The following ROBO2 variants were observed in gnomAD, a reference collection of about 807,000 sequenced individuals.
The protein encoded by ROBO2 is roundabout homolog 2.
ROBO2 carries 53 observed loss-of-function variants against 160.8 expected under a neutral mutation model. The observed-to-expected ratio is 0.33, with a 90% confidence interval of 0.26 to 0.41. The LOEUF is 0.41. ROBO2 is among the 10% of genes least tolerant of loss of function. ROBO2 has a pLI of 1.00. For synonymous variants in ROBO2, 664 were observed against 611.7 expected, an observed-to-expected ratio of 1.09 and a Z score of -1.26; for missense variants, 1,577 against 1,722.4, an observed-to-expected ratio of 0.92 and a Z score of 1.49.
chr3:77,293,442 T>G (rs1431207027), intron 2 of ROBO2, among the ~76,000 whole-genome samples: 1 of 127,310 alleles, frequency 7.9e-6, no homozygotes, highest in African/African-American at 3.4e-5. Context: ...GCTAGATCAC[T>G]AAAGACATAA....
chr3:76,066,074 A>T (rs1213437848), intron 2 of ROBO2, among the ~76,000 whole-genome samples: 1 of 151,960 alleles, frequency 6.6e-6, no homozygotes, highest in African/African-American at 2.4e-5. Flanking sequence ...AGCACAATTT[A>T]TCATGTAGCT....
intron 20 of ROBO2, among the ~76,000 whole-genome samples, 185 bp downstream of exon 21, chr3:77,602,676 A>ACCACCACCACCACCGCCGCCG: frequency 9.4e-6 from 1 of 106,100 alleles, no homozygotes; most frequent in African/African-American, 3.5e-5. Flanking sequence ...CACCACCACC[A>ACCACCACCACCACCGCCGCCG]CCACCACCAC....
chr3:76,850,882 A>G (rs1168144337), intron 2 of ROBO2, among the ~76,000 whole-genome samples: 3 of 152,306 alleles, frequency 2.0e-5, no homozygotes, highest in African/African-American at 7.2e-5. Context: ...CTTTCTTTAC[A>G]AAGTGTCTCT....
At chr3:76,527,315 AAGTC>A (rs2081999984) in intron 2 of ROBO2, among the ~76,000 whole-genome samples, 1 of 152,126 alleles carries the variant, frequency 6.6e-6, no homozygotes, top group African/African-American at 2.4e-5. Context: ...TTTTTTTAAA[AAGTC>A]AGAAGTGCAA....
chr3:77,481,928 G>A (rs2084743576), intron 4 of ROBO2, among the ~76,000 whole-genome samples: 2 of 152,092 alleles, frequency 1.3e-5, no homozygotes, highest in Non-Finnish European at 2.9e-5. Context: ...CAGGGCAGCT[G>A]TGGAAGGTTG....
chr3:76,670,448 T>C (rs2092222974), intron 2 of ROBO2, among the ~76,000 whole-genome samples: 1 of 152,012 alleles, frequency 6.6e-6, no homozygotes, highest in South Asian at 2.1e-4. Flanking sequence ...ATAGCCTCGG[T>C]ATGGCTGCCA....
intron 2 of ROBO2, among the ~76,000 whole-genome samples, chr3:77,432,693 G>A (rs2078901030): frequency 6.6e-6 from 1 of 152,128 alleles, no homozygotes; most frequent in South Asian, 2.1e-4. Context: ...ACTTTTCAGT[G>A]GGAGTGTTTG....
At position 76,607,056 on chromosome 3, in the gene ROBO2, T is replaced by C. The variant is rs538716368; in HGVS notation, c.110-490958T>C. Among the ~76,000 whole-genome samples, 5 of 152,342 alleles carry C rather than the reference T, an allele frequency of 3.3e-5. No individual in the cohort carries two copies. The South Asian group carries it at 1.0e-3, about 32-fold the overall frequency. The stretch of plus-strand genomic sequence containing the variant: ...ATGCTCCATTTTATTTTTAAAAATA[T>C]TTTAAAGATGGGATCTTGCTATGCT... On this transcript the variant is annotated intron_variant, in intron 2 of 26. Coordinates refer to the ROBO2 transcript ENST00000487694.
chr3:77,606,445 T>C (rs1016135208), intron 20 of ROBO2, among the ~76,000 whole-genome samples: 5 of 152,228 alleles, frequency 3.3e-5, no homozygotes, highest in African/African-American at 1.2e-4. Flanking sequence ...AAGCAAAAGA[T>C]GTCTGCTCTC....
intron 4 of ROBO2, among the ~76,000 whole-genome samples, chr3:77,490,484 T>C (rs1209267747): frequency 2.0e-5 from 3 of 152,254 alleles, no homozygotes; most frequent in Non-Finnish European, 4.4e-5. Context: ...TTTATTTAGA[T>C]GATTTGTAAT....
At chr3:77,636,112 A>G (rs928329696) in intron 24 of ROBO2, among the ~76,000 whole-genome samples, 2 of 152,066 alleles carry the variant, frequency 1.3e-5, no homozygotes, top group Non-Finnish European at 2.9e-5. Context: ...CCACCTCCCA[A>G]TATCATCACA....
At chr3:76,835,007 G>T (rs541323532) in intron 2 of ROBO2, among the ~76,000 whole-genome samples, 4 of 152,002 alleles carry the variant, frequency 2.6e-5, no homozygotes, top group South Asian at 2.1e-4. Flanking sequence ...CAAGCAAAAG[G>T]AATTATATCT....
At chr3:77,622,200 C>A in intron 22 of ROBO2, 27 bp from the exon 24 acceptor site, 1 of 1,606,486 alleles carries the variant, frequency 6.2e-7, no homozygotes, top group East Asian at 2.2e-5. Context: ...AGTTGCTTTT[C>A]TTTTTTAAAT....
intron 2 of ROBO2, among the ~76,000 whole-genome samples, chr3:76,784,985 T>C (rs991154244): frequency 2.0e-5 from 3 of 151,274 alleles, no homozygotes; most frequent in African/African-American, 7.3e-5. Flanking sequence ...GACCACCAAA[T>C]GCTGAAATCA....
At chr3:77,029,984 C>A (rs1164826599) in intron 2 of ROBO2, among the ~76,000 whole-genome samples, 1 of 150,672 alleles carries the variant, frequency 6.6e-6, no homozygotes, top group South Asian at 2.1e-4. Flanking sequence ...CTCGCTCTGT[C>A]GCCCAGGCTG....
At chr3:76,400,874 C>T (rs537000387) in intron 2 of ROBO2, among the ~76,000 whole-genome samples, 1 of 151,416 alleles carries the variant, frequency 6.6e-6, no homozygotes, top group Non-Finnish European at 1.5e-5. Flanking sequence ...AATAGATCCA[C>T]AAGAAAGTTT....
intron 2 of ROBO2, among the ~76,000 whole-genome samples, chr3:76,954,132 A>G (rs541623396): frequency 3.3e-5 from 5 of 152,326 alleles, no homozygotes; most frequent in Admixed American, 1.3e-4. Flanking sequence ...ATTAAATTGG[A>G]AAATGTTTAT....
At chr3:76,157,085 C>T (rs1004410276) in intron 2 of ROBO2, among the ~76,000 whole-genome samples, 3 of 152,122 alleles carry the variant, frequency 2.0e-5, no homozygotes, top group Non-Finnish European at 2.9e-5. Flanking sequence ...TTGATATCCT[C>T]GGAGTTCAAG....
chr3:76,699,456 G>A (rs2093001588), intron 2 of ROBO2, among the ~76,000 whole-genome samples: 1 of 152,134 alleles, frequency 6.6e-6, no homozygotes, highest in African/African-American at 2.4e-5. Context: ...TCTGATATCC[G>A]GATTCCTTTT....
Sources: gnomAD v4.1 joint callset for allele counts (sites outside exome capture counted in the v4.1 genomes callset) on GRCh38, gnomAD v4.1.1 for gene constraint, MANE v1.5 for transcripts, NCBI Gene and HGNC (gene_info 2026-07-23, HGNC 2026-07-21) for gene names.